The following RUNX1T1 variants were observed in gnomAD, a reference collection of about 807,000 sequenced individuals.
The protein encoded by RUNX1T1 is RUNX1 partner transcriptional co-repressor 1.
Under a neutral mutation model 62.8 loss-of-function variants are expected in RUNX1T1, and 4 were observed. The ratio of observed to expected loss-of-function variants is 0.06; its 90% CI spans 0.03 to 0.15. RUNX1T1 has a LOEUF of 0.15. RUNX1T1 is among the 10% of genes least tolerant of loss of function. The pLI is 1.00. For missense variants in RUNX1T1, 508 were observed against 754.3 expected, an observed-to-expected ratio of 0.67 and a Z score of 3.82; for synonymous variants, 291 against 286.0, an observed-to-expected ratio of 1.02 and a Z score of -0.18.
exon 10 of RUNX1T1, chr8:91,970,830 A>C (rs1586740054): frequency 6.2e-7 from 1 of 1,609,172 alleles, no homozygotes; most frequent in Non-Finnish European, 8.5e-7. Flanking sequence ...CTGGCGCTTC[A>C]CCTCATTGAC....
chr8:92,044,508 A>C (rs1031440948), intron 1 of RUNX1T1, among the ~76,000 whole-genome samples: 3 of 152,238 alleles, frequency 2.0e-5, no homozygotes, highest in African/African-American at 7.2e-5. Context: ...CAAAAAGAGC[A>C]CAGAGCACCA....
intron 1 of RUNX1T1, among the ~76,000 whole-genome samples, chr8:92,037,117 G>T (rs1827572014): frequency 6.6e-6 from 1 of 152,186 alleles, no homozygotes; most frequent in Non-Finnish European, 1.5e-5. Context: ...ACTGGGTTGG[G>T]AGAATGGGCT....
intron 1 of RUNX1T1, chr8:92,018,994 A>G (rs1320760130): frequency 2.0e-5 from 3 of 152,168 alleles, no homozygotes; most frequent in African/African-American, 7.2e-5. Context: ...GAGCATTTTC[A>G]CCTTTATCTA....
upstream of RUNX1T1, among the ~76,000 whole-genome samples, chr8:92,064,908 G>GC (rs1832646645): frequency 6.6e-6 from 1 of 152,136 alleles, no homozygotes; most frequent in South Asian, 2.1e-4. Flanking sequence ...TCTGACTACA[G>GC]TAATTGCCAC....
chr8:91,983,117 T>C (rs1241131060), intron 8 of RUNX1T1, among the ~76,000 whole-genome samples: 1 of 151,122 alleles, frequency 6.6e-6, no homozygotes, highest in Admixed American at 6.6e-5. Context: ...GTATCTTTAG[T>C]AGAGAAGGGG....
At chr8:92,070,378 C>T (rs991962535) in intron 2 of RUNX1T1, among the ~76,000 whole-genome samples, 4 of 151,978 alleles carry the variant, frequency 2.6e-5, no homozygotes, top group Admixed American at 2.0e-4. Flanking sequence ...CATATTTATA[C>T]TGATGTTGAA....
upstream of RUNX1T1, among the ~76,000 whole-genome samples, chr8:92,066,805 C>A (rs910654960): frequency 6.6e-6 from 1 of 152,104 alleles, no homozygotes; most frequent in East Asian, 1.9e-4. Flanking sequence ...CAGCTAACCA[C>A]AAGAAATAAG....
At chr8:92,031,583 T>A (rs2131313038) in intron 1 of RUNX1T1, among the ~76,000 whole-genome samples, 1 of 152,246 alleles carries the variant, frequency 6.6e-6, no homozygotes, top group African/African-American at 2.4e-5. Flanking sequence ...GCGATCCTCC[T>A]TTAGCCTCTG....
chr8:92,002,684 T>C (rs751538681), intron 5 of RUNX1T1, among the ~76,000 whole-genome samples: 44 of 152,242 alleles, frequency 2.9e-4, no homozygotes, highest in Admixed American at 7.8e-4. Context: ...CAGAAACAGA[T>C]TGATCTTTTT....
At chr8:92,026,364 A>C (rs1003949443) in intron 1 of RUNX1T1, among the ~76,000 whole-genome samples, 1 of 152,272 alleles carries the variant, frequency 6.6e-6, no homozygotes, top group Admixed American at 6.5e-5. Flanking sequence ...ACTGAGGCTC[A>C]GAGGGATTGA....
chr8:92,099,549 T>C (rs754352505), intron 1 of RUNX1T1: 15 of 825,590 alleles, frequency 1.8e-5, no homozygotes, highest in South Asian at 5.5e-5. Flanking sequence ...AACAAATAAA[T>C]AGCCTTTCTC....
intron 6 of RUNX1T1, among the ~76,000 whole-genome samples, chr8:91,987,443 T>C (rs937209894): frequency 1.3e-5 from 2 of 152,182 alleles, no homozygotes; most frequent in African/African-American, 4.8e-5. Flanking sequence ...GTCAGCCTTG[T>C]GTAAATGAAT....
At chr8:91,971,801 T>C (rs1467884138) in intron 9 of RUNX1T1, among the ~76,000 whole-genome samples, 1 of 152,118 alleles carries the variant, frequency 6.6e-6, no homozygotes, top group Non-Finnish European at 1.5e-5. Context: ...AATAAGCTCT[T>C]TATTTTTGGC....
chr8:92,062,431 T>C (rs1832194445), intron 1 of RUNX1T1: 2 of 1,182,822 alleles, frequency 1.7e-6, no homozygotes, highest in South Asian at 2.4e-5. Flanking sequence ...CCCAGCCTCT[T>C]CCTGCCCACA....
chr8:91,959,461 TGTGTGTATATGTGC>T lies in RUNX1T1; in HGVS notation c.*767_*780del, dbSNP rs777557371. 8.1e-3 allele frequency: 986 copies of T among 121,898 alleles called. 42 individuals are homozygous for T. Among genetic ancestry groups the T allele is most frequent in the African/African-American group, 0.046 (687 of 14,786 alleles). The allele number at this position is 121,898 out of a possible 1,614,324, so 7.6% of individuals were successfully genotyped here. A position where few individuals can be genotyped will look rare whatever the true frequency, so the allele number is the denominator to read the frequency against. On this transcript the variant is annotated 3_prime_UTR_variant, in exon 11 of 11. Coordinates refer to ENST00000396218, the Ensembl canonical transcript of RUNX1T1. ...GTGTGTGTGTGTGTGTGTGTGTGTG[TGTGTGTATATGTGC>T]GTGTGTGTGTGTGTATATATATATA... is the stretch of plus-strand genomic sequence containing the variant.
In RUNX1T1 at chr8:91,959,536, ATTTT is replaced by A. The variant is rs34692993; in HGVS notation, c.*702_*705del. On this transcript the variant is annotated 3_prime_UTR_variant, in exon 11 of 11. Coordinates refer to ENST00000396218, the Ensembl canonical transcript of RUNX1T1. ...TATATGGAGCCTTTTGTATTATGGC[ATTTT>A]TTTTTCTTGCTGCTGTATTCATACA... The A allele has an allele frequency of 4.7e-5, 8 of 169,720 alleles. 1 individual carries two copies. Among genetic ancestry groups the A allele is most frequent in the Non-Finnish European group, 9.4e-5 (8 of 84,662 alleles). 10.5% of individuals were successfully genotyped at this position (169,720 alleles called of 1,614,324 possible).
intron 5 of RUNX1T1, among the ~76,000 whole-genome samples, chr8:91,998,905 T>C (rs1819229249): frequency 6.6e-6 from 1 of 152,160 alleles, no homozygotes; most frequent in Non-Finnish European, 1.5e-5. Flanking sequence ...AACAAAAAAA[T>C]AAAGATGCCT....
intron 2 of RUNX1T1, among the ~76,000 whole-genome samples, chr8:92,075,493 G>C (rs972143639): frequency 9.2e-5 from 14 of 152,170 alleles, no homozygotes; most frequent in Non-Finnish European, 1.5e-5. Flanking sequence ...TTGCCTAAAA[G>C]TTTTTTAAAA....
At chr8:91,979,553 A>G (rs1245009064) in intron 8 of RUNX1T1, among the ~76,000 whole-genome samples, 1 of 151,978 alleles carries the variant, frequency 6.6e-6, no homozygotes, top group Non-Finnish European at 1.5e-5. Context: ...AACATTATAG[A>G]AAAGTCCTTC....
Sources: gnomAD v4.1 joint callset for allele counts (sites outside exome capture counted in the v4.1 genomes callset) on GRCh38, gnomAD v4.1.1 for gene constraint, MANE v1.5 for transcripts, NCBI Gene and HGNC (gene_info 2026-07-23, HGNC 2026-07-21) for gene names.